HYDIN: variants seen among roughly 807,000 people sequenced by gnomAD.
HYDIN encodes axonemal central pair apparatus protein HYDIN.
In HYDIN, 132 loss-of-function variants were observed where a neutral mutation model predicts 403.9. That is an observed-to-expected ratio of 0.33 (90% CI 0.28 to 0.38). The LOEUF (loss-of-function observed/expected upper bound fraction) is 0.38. HYDIN is among the 10% of genes least tolerant of loss of function. HYDIN has a pLI of 1.00. For synonymous variants in HYDIN, 1,202 were observed against 1,891.7 expected, an observed-to-expected ratio of 0.64 and a Z score of 9.46; for missense variants, 2,827 against 5,009.5, an observed-to-expected ratio of 0.56 and a Z score of 13.15.
rs1168482377 is a variant in HYDIN, at chr16:71,071,757, T to C, written c.1739-2255A>G. On this transcript the variant is annotated intron_variant, in intron 13 of 85. Transcript: ENST00000393567. ...ATTTCTTTAAAAATATGGTATATTA[T>C]TTGGAACATGACGTCTCTACTAGAG... is the stretch of plus-strand genomic sequence containing the variant. Among the ~76,000 whole-genome samples the C allele has an allele frequency of 2.6e-5, 4 of 152,196 alleles. No homozygotes were observed. In the East Asian group the frequency reaches 7.7e-4, roughly 29 times the overall value.
intron 75 of HYDIN, among the ~76,000 whole-genome samples, chr16:70,841,648 C>T (rs1276748392): frequency 3.3e-5 from 5 of 152,126 alleles, no homozygotes; most frequent in Non-Finnish European, 4.4e-5. Context: ...ATGCCATCAC[C>T]GTAGGAGTGC....
At chr16:70,842,157 T>C (rs985871438) in intron 75 of HYDIN, among the ~76,000 whole-genome samples, 1 of 151,016 alleles carries the variant, frequency 6.6e-6, no homozygotes, top group Non-Finnish European at 1.5e-5. Flanking sequence ...AGAATGTCTA[T>C]TCTCCTGCTG....
chr16:70,862,125 C>G lies in HYDIN; in HGVS notation c.11700G>C (p.Pro3900=), dbSNP rs529367774. The change falls in exon 69 of 86, where the codon CCG becomes CCC. Residue 3900 remains proline (P), a synonymous_variant. Transcript: ENST00000393567. ...CTTTGAACTTCTGAATCTTCCCCAC[C>G]GGCACGATTCCCGAAGAGGGCTCCA... ...FSVEPSSGIV[P]VGKIQKFKVK... The G allele has an allele frequency of 1.2e-6, 2 of 1,611,910 alleles. No individual in the cohort carries two copies. Among genetic ancestry groups the G allele is most frequent in the African/African-American group, 1.3e-5 (1 of 75,030 alleles).
chr16:71,044,934 G>C (rs1433649765), intron 18 of HYDIN, among the ~76,000 whole-genome samples: 1 of 150,208 alleles, frequency 6.7e-6, no homozygotes, highest in South Asian at 2.1e-4. Context: ...AAAGCTGTTG[G>C]GGGAACTAGA....
intron 1 of HYDIN, among the ~76,000 whole-genome samples, chr16:71,208,911 C>T (rs1183395545): frequency 2.6e-5 from 4 of 152,060 alleles, no homozygotes; most frequent in Non-Finnish European, 4.4e-5. Flanking sequence ...AAATAGCCTA[C>T]GAACCAAAGA....
intron 18 of HYDIN, among the ~76,000 whole-genome samples, chr16:71,040,228 C>T (rs917100699): frequency 4.6e-5 from 7 of 151,998 alleles, no homozygotes; most frequent in Admixed American, 2.6e-4. Context: ...CCACCTCATT[C>T]GCTTGCGTGC....
chr16:70,923,647 CAAAAAAAAAAAAAAA>C (rs57860871), intron 45 of HYDIN, among the ~76,000 whole-genome samples: 2 of 69,310 alleles, frequency 2.9e-5, no homozygotes, highest in Admixed American at 1.7e-4. Flanking sequence ...CTAAAAAATA[CAAAAAAAAAAAAAAA>C]AAAAAAAAAT....
At chr16:70,856,892 C>G (rs577074534) in intron 72 of HYDIN, among the ~76,000 whole-genome samples, 16 of 152,272 alleles carry the variant, frequency 1.1e-4, no homozygotes, top group Admixed American at 5.2e-4. Context: ...TTTTCTTATG[C>G]AACACCACAT....
intron 68 of HYDIN, among the ~76,000 whole-genome samples, chr16:70,862,492 T>C (rs577767256): frequency 2.0e-3 from 183 of 93,328 alleles, no homozygotes; most frequent in Non-Finnish European, 3.2e-3. Flanking sequence ...TGTTTCCTTT[T>C]GGTTCAAGCG....
chr16:71,042,435 C>T (rs1466039503), intron 18 of HYDIN, among the ~76,000 whole-genome samples: 2 of 151,996 alleles, frequency 1.3e-5, no homozygotes, highest in Non-Finnish European at 2.9e-5. Context: ...ATAATAATAG[C>T]TTTTTTCTTG....
intron 83 of HYDIN, among the ~76,000 whole-genome samples, chr16:70,824,098 T>C (rs1333693794): frequency 6.6e-6 from 1 of 151,772 alleles, no homozygotes; most frequent in African/African-American, 2.4e-5. Flanking sequence ...AAATGGAGTA[T>C]TATAATCATT....
chr16:70,932,223 C>T (rs1256900927), intron 45 of HYDIN, among the ~76,000 whole-genome samples: 2 of 148,582 alleles, frequency 1.3e-5, no homozygotes, highest in East Asian at 2.0e-4. Context: ...AGTGTGGTGG[C>T]GGGCGCCTGT....
At chr16:70,840,981 TTATC>T (rs1567687601) in intron 75 of HYDIN, among the ~76,000 whole-genome samples, 2 of 152,182 alleles carry the variant, frequency 1.3e-5, no homozygotes, top group Non-Finnish European at 2.9e-5. Flanking sequence ...TTCAAATAAA[TTATC>T]TATTATTCAT....
At position 70,892,831 on chromosome 16, in the gene HYDIN, TTC is replaced by T. The variant is rs1447753520; in HGVS notation, c.9249-304_9249-303del. ...ATTGAAAAAGGACCATCTAAATTAA[TTC>T]TCTCTTTCTCTGTTTGTGTCTGTCT... On this transcript the variant is annotated intron_variant, in intron 55 of 85. Transcript: ENST00000393567. 5.9e-5 allele frequency among the ~76,000 whole-genome samples: 9 copies of T among 152,372 alleles called. No homozygotes were observed. The East Asian group carries it at 1.5e-3, about 26-fold the overall frequency.
At chr16:71,020,087 T>G in intron 22 of HYDIN, 87 bp downstream of exon 22, 2 of 1,194,428 alleles carry the variant, frequency 1.7e-6, no homozygotes, top group Non-Finnish European at 2.3e-6. Context: ...GAGCTGAAGT[T>G]GGGTGGTGTA....
chr16:71,222,858 A>T (rs957498967), intron 1 of HYDIN, among the ~76,000 whole-genome samples: 1 of 152,250 alleles, frequency 6.6e-6, no homozygotes, highest in African/African-American at 2.4e-5. Context: ...AAACAAATGG[A>T]TACACATCCT....
chr16:70,894,974 G>A (rs1315742998), intron 54 of HYDIN, among the ~76,000 whole-genome samples: 11 of 152,198 alleles, frequency 7.2e-5, no homozygotes, highest in Non-Finnish European at 1.5e-4. Context: ...CGATATGGTG[G>A]TTCCATAATT....
chr16:70,900,956 G>C, intron 53 of HYDIN, 48 bp downstream of exon 53: 1 of 567,622 alleles, frequency 1.8e-6, no homozygotes, highest in South Asian at 2.0e-5. Context: ...GTGTGTGTGT[G>C]TGTGTACATG....
chr16:71,179,869 T>C (rs1370321584), intron 3 of HYDIN, among the ~76,000 whole-genome samples: 2 of 152,230 alleles, frequency 1.3e-5, no homozygotes, highest in African/African-American at 2.4e-5. Context: ...CAGGTTTCCC[T>C]TGAAAATTCA....
Sources: allele counts gnomAD v4.1 joint callset (sites outside exome capture counted in the v4.1 genomes callset), GRCh38; gene constraint gnomAD v4.1.1; transcripts MANE v1.5; gene names NCBI Gene and HGNC (gene_info 2026-07-23, HGNC 2026-07-21).